The following CLDN18 variants were observed in gnomAD, a reference collection of about 807,000 sequenced individuals.
The protein encoded by CLDN18 is claudin 18, also known as claudin-18.
A neutral mutation model predicts 25.0 loss-of-function variants in CLDN18; 20 were observed. The ratio of observed to expected loss-of-function variants is 0.80; its 90% confidence interval spans 0.56 to 1.16. The LOEUF (loss-of-function observed/expected upper bound fraction) is 1.16. Among genes scored for constraint, CLDN18 ranks in the 50% most tolerant of loss-of-function variants. The pLI, the probability that CLDN18 is intolerant of heterozygous loss-of-function variation, is 0.00. For missense variants in CLDN18, 297 were observed against 345.4 expected, an observed-to-expected ratio of 0.86 and a Z score of 1.11; for synonymous variants, 125 against 135.6, an observed-to-expected ratio of 0.92 and a Z score of 0.54.
chr3:137,999,167 G>A (rs1180398605), intron 1 of CLDN18: 5 of 1,272,768 alleles, frequency 3.9e-6, no homozygotes, highest in African/African-American at 2.9e-5. Context: ...TGGGCACCAC[G>A]ACAGGGACTG....
At chr3:138,025,323 T>G (rs1942314053) in intron 3 of CLDN18, among the ~76,000 whole-genome samples, 1 of 152,194 alleles carries the variant, frequency 6.6e-6, no homozygotes, top group Admixed American at 6.5e-5. Context: ...ATTTGGTGTC[T>G]GAAGGAGAGT....
chr3:138,020,292 C>A (rs946609116), intron 1 of CLDN18, among the ~76,000 whole-genome samples: 1 of 152,152 alleles, frequency 6.6e-6, no homozygotes, highest in African/African-American at 2.4e-5. Context: ...TTGTAGAATT[C>A]TCTTCCCAGC....
chr3:138,001,188 A>G (rs532093442), intron 1 of CLDN18, among the ~76,000 whole-genome samples: 86 of 152,326 alleles, frequency 5.6e-4, no homozygotes, highest in African/African-American at 1.8e-3. Flanking sequence ...TCCGCACCTA[A>G]GCCCTGGCTT....
intron 1 of CLDN18, among the ~76,000 whole-genome samples, chr3:138,002,977 A>G (rs1263776865): frequency 6.6e-6 from 1 of 152,242 alleles, no homozygotes; most frequent in African/African-American, 2.4e-5. Context: ...TTTATTGAAC[A>G]CCTACTATGT....
At chr3:138,030,879 A>T in intron 4 of CLDN18, 91 bp from the exon 5 acceptor site, 1 of 1,209,858 alleles carries the variant, frequency 8.3e-7, no homozygotes, top group Non-Finnish European at 1.2e-6. Flanking sequence ...CTGGACTTTC[A>T]GTGCCAAGAC....
chr3:138,030,736 G>A (rs1159989662), intron 4 of CLDN18, among the ~76,000 whole-genome samples: 1 of 152,140 alleles, frequency 6.6e-6, no homozygotes, highest in Non-Finnish European at 1.5e-5. Context: ...AGGAGATTTT[G>A]TTCTCGGCTC....
At chr3:138,013,145 A>G (rs1942161601) in intron 1 of CLDN18, among the ~76,000 whole-genome samples, 1 of 152,224 alleles carries the variant, frequency 6.6e-6, no homozygotes, top group Non-Finnish European at 1.5e-5. Flanking sequence ...CCATTGAACT[A>G]AAAACAGGTT....
chr3:138,019,358 C>G (rs1400218469), intron 1 of CLDN18, among the ~76,000 whole-genome samples: 1 of 152,220 alleles, frequency 6.6e-6, no homozygotes, highest in Admixed American at 6.5e-5. Flanking sequence ...GGGGTCTGGC[C>G]TCAGACTACC....
intron 4 of CLDN18, among the ~76,000 whole-genome samples, chr3:138,030,662 A>G (rs1942380933): frequency 1.3e-5 from 2 of 152,272 alleles, no homozygotes; most frequent in South Asian, 4.2e-4. Context: ...GTTACCGAGG[A>G]TTTGGGGATA....
chr3:138,030,580 C>T (rs546525619), intron 4 of CLDN18, among the ~76,000 whole-genome samples: 2 of 152,264 alleles, frequency 1.3e-5, no homozygotes, highest in Admixed American at 1.3e-4. Context: ...GATCCTTTGA[C>T]GTAACAATGT....
intron 1 of CLDN18, among the ~76,000 whole-genome samples, chr3:138,022,713 T>G (rs1942284795): frequency 6.6e-6 from 1 of 152,206 alleles, no homozygotes; most frequent in Non-Finnish European, 1.5e-5. Flanking sequence ...CTGGAACACA[T>G]GAAGGACTAA....
At chr3:138,011,850 C>A (rs1442565836) in intron 1 of CLDN18, among the ~76,000 whole-genome samples, 2 of 152,130 alleles carry the variant, frequency 1.3e-5, no homozygotes, top group African/African-American at 4.8e-5. Flanking sequence ...ATGGGCAAAC[C>A]CCATTGCGTC....
chr3:138,007,009 ATAACT>A (rs1260581564), upstream of CLDN18, among the ~76,000 whole-genome samples: 1 of 152,232 alleles, frequency 6.6e-6, no homozygotes, highest in Non-Finnish European at 1.5e-5. Context: ...TGAAAAATAG[ATAACT>A]TTAATCAACA....
At chr3:138,022,211 C>G (rs562709729) in intron 1 of CLDN18, among the ~76,000 whole-genome samples, 2 of 152,128 alleles carry the variant, frequency 1.3e-5, no homozygotes, top group African/African-American at 2.4e-5. Context: ...GTGTCCAGCA[C>G]AAACATTCTG....
intron 1 of CLDN18, among the ~76,000 whole-genome samples, chr3:138,013,378 C>T (rs1211041120): frequency 2.0e-5 from 3 of 152,170 alleles, no homozygotes; most frequent in African/African-American, 7.2e-5. Flanking sequence ...GCTGCTGCAA[C>T]AAACAAACCT....
At chr3:138,008,438 T>A (rs1942092629), upstream of CLDN18, among the ~76,000 whole-genome samples, 1 of 151,996 alleles carries the variant, frequency 6.6e-6, no homozygotes, top group Non-Finnish European at 1.5e-5. Context: ...ACCCCATCTC[T>A]ACTAAAATAC....
rs1293042881 is a variant in CLDN18 at position 138,031,361 on chromosome 3, G to A, written c.*220G>A. The A allele has an allele frequency of 2.5e-6, 1 of 394,380 alleles. No homozygotes were observed. Among genetic ancestry groups the A allele is most frequent in the Non-Finnish European group, 4.5e-6 (1 of 223,752 alleles). The allele number at this position is 394,380 out of a possible 1,614,324, so 24.4% of individuals were successfully genotyped here. A position where few individuals can be genotyped will look rare whatever the true frequency, so the allele number is the denominator to read the frequency against. ...AGTTATTTATGAATTAGAGGCTATAGCTCACATTTTCAATCCTCTATTTCT... is the reference window on the plus strand; with the variant it reads ...AGTTATTTATGAATTAGAGGCTATAACTCACATTTTCAATCCTCTATTTCT... On this transcript the variant is annotated 3_prime_UTR_variant, in exon 5 of 5. Transcript: ENST00000183605.
At chr3:138,029,639 G>T (rs1467365369) in intron 3 of CLDN18, among the ~76,000 whole-genome samples, 158 bp from the exon 4 acceptor site, 1 of 152,176 alleles carries the variant, frequency 6.6e-6, no homozygotes, top group Non-Finnish European at 1.5e-5. Context: ...TACCTGATCA[G>T]TTGGCTGTGA....
At chr3:138,028,344 C>T (rs1262486794) in intron 3 of CLDN18, among the ~76,000 whole-genome samples, 1 of 152,154 alleles carries the variant, frequency 6.6e-6, no homozygotes, top group South Asian at 2.1e-4. Flanking sequence ...GGATTATAGG[C>T]GTGAGCCACC....
Sources: gnomAD v4.1 joint callset for allele counts (sites outside exome capture counted in the v4.1 genomes callset) on GRCh38, gnomAD v4.1.1 for gene constraint, MANE v1.5 for transcripts, NCBI Gene and HGNC (gene_info 2026-07-23, HGNC 2026-07-21) for gene names.